AKAP13: variants seen among roughly 807,000 people sequenced by gnomAD.
The protein encoded by AKAP13 is A-kinase anchoring protein 13, also known as A-kinase anchor protein 13.
In AKAP13, 80 loss-of-function variants were observed where a neutral mutation model predicts 264.5. That is an observed-to-expected ratio of 0.30 (90% confidence interval 0.25 to 0.36). The LOEUF (loss-of-function observed/expected upper bound fraction) is 0.36. Ranked by LOEUF, AKAP13 falls within the 10% of genes least tolerant of loss-of-function variation. AKAP13 has a pLI of 1.00. For synonymous variants in AKAP13, 1,380 were observed against 1,250.2 expected (o/e 1.10, Z -2.19); for missense variants, 3,712 against 3,435.2 (o/e 1.08, Z -2.01).
At chr15:85,739,570 C>T (rs922855020) in intron 33 of AKAP13, among the ~76,000 whole-genome samples, 6 of 152,120 alleles carry the variant, frequency 3.9e-5, no homozygotes, top group Admixed American at 2.6e-4. Flanking sequence ...TACATTTTTA[C>T]ATAGAAATTT....
At chr15:85,603,883 G>A (rs1317145230) in intron 8 of AKAP13, among the ~76,000 whole-genome samples, 4 of 152,130 alleles carry the variant, frequency 2.6e-5, no homozygotes, top group Admixed American at 6.6e-5. Context: ...GAATTGCAGT[G>A]TATCTCATGT....
rs2151736287 is a variant in AKAP13 at position 85,724,974 on chromosome 15, A to G, written c.6746-1436A>G. ...TATTCCATGATGTTCTGAGAGCCCT[A>G]GCTCTCTTTGAGACTTTTACGCTGT... On this transcript the variant is annotated intron_variant, in intron 26 of 36. Coordinates refer to ENST00000394518, the MANE Select transcript of AKAP13 (RefSeq NM_007200.5). The surrounding 1 kb of genome is among the most constrained non-coding windows in gnomAD (Gnocchi z 4.2). Among the ~76,000 whole-genome samples the G allele has an allele frequency of 6.6e-6, 1 of 152,288 alleles. No individual in the cohort carries two copies. Among genetic ancestry groups the G allele is most frequent in the Admixed American group, 6.5e-5 (1 of 15,292 alleles).
chr15:85,566,220 A>G (rs1316096416), intron 5 of AKAP13, among the ~76,000 whole-genome samples: 1 of 152,236 alleles, frequency 6.6e-6, no homozygotes, highest in Non-Finnish European at 1.5e-5. Flanking sequence ...ATACCATTTT[A>G]TCATAATTTA....
intron 8 of AKAP13, among the ~76,000 whole-genome samples, chr15:85,588,746 C>G (rs1056599713): frequency 1.3e-5 from 2 of 152,128 alleles, no homozygotes; most frequent in Admixed American, 6.5e-5. Flanking sequence ...AAAGAATAGA[C>G]CCTTGGAGAG....
chr15:85,517,783 GA>G (rs1324385750), intron 2 of AKAP13, among the ~76,000 whole-genome samples: 1 of 152,150 alleles, frequency 6.6e-6, no homozygotes, highest in Non-Finnish European at 1.5e-5. Context: ...GCCTAGTATA[GA>G]GGTCTTTTCC....
intron 14 of AKAP13, among the ~76,000 whole-genome samples, chr15:85,679,084 C>A (rs2084430103): frequency 1.3e-5 from 2 of 151,612 alleles, no homozygotes; most frequent in African/African-American, 4.8e-5. Flanking sequence ...ACCAAAAATA[C>A]AAAAAAATTA....
chr15:85,588,062 C>T (rs964546281), intron 8 of AKAP13, among the ~76,000 whole-genome samples: 1 of 152,116 alleles, frequency 6.6e-6, no homozygotes, highest in Non-Finnish European at 1.5e-5. Flanking sequence ...TGAACTTACT[C>T]ATGCTGCCCC....
intron 14 of AKAP13, among the ~76,000 whole-genome samples, chr15:85,675,101 A>G (rs1035592588): frequency 1.3e-5 from 2 of 152,192 alleles, no homozygotes; most frequent in Non-Finnish European, 2.9e-5. Context: ...GGAAATTTCC[A>G]TATGTCAGGG....
intron 1 of AKAP13, among the ~76,000 whole-genome samples, chr15:85,438,413 A>G (rs1469414182): frequency 1.3e-5 from 2 of 151,736 alleles, no homozygotes; most frequent in African/African-American, 2.4e-5. Flanking sequence ...TACAGATTCA[A>G]CTCCATCCCC....
Position 85,650,766 on chromosome 15 carries a change from AAAAAAAAAAAAAAAAAAAAAAAAACAAC to A in AKAP13, c.4375-4645_4375-4618del, listed in dbSNP as rs1759387508. Among the ~76,000 whole-genome samples the A allele has an allele frequency of 3.8e-5, 5 of 131,650 alleles. 1 individual carries two copies. Among genetic ancestry groups the A allele is most frequent in the South Asian group, 4.8e-4 (2 of 4,198 alleles). The allele number at this position is 131,650 out of a possible 152,430, so 86.4% of individuals were successfully genotyped here. A position where few individuals can be genotyped will look rare whatever the true frequency, so the allele number is the denominator to read the frequency against. ...GTGAGACTCCATCTCAAAAAAAAAAAAAAAAAAAAAAAAAAAAAAAAAAACAACAAAAACTGCAATTGCCTGTGCACAA... is the reference window on the plus strand; with the variant it reads ...GTGAGACTCCATCTCAAAAAAAAAAAAAAAACTGCAATTGCCTGTGCACAA... On this transcript the variant is annotated intron_variant, in intron 10 of 36. Transcript: ENST00000394518.
chr15:85,663,309 C>CAA (rs11435393), intron 12 of AKAP13, among the ~76,000 whole-genome samples: 13,639 of 134,622 alleles, frequency 0.1, 908 homozygotes, highest in Non-Finnish European at 0.14. Context: ...GGCTCTGTCT[C>CAA]AAAAAAAAAA....
At chr15:85,483,392 C>G (rs1482380390) in intron 1 of AKAP13, among the ~76,000 whole-genome samples, 3 of 152,040 alleles carry the variant, frequency 2.0e-5, no homozygotes, top group Admixed American at 2.0e-4. Context: ...TTTGGGAGGC[C>G]GAGGCGGGTG....
intron 12 of AKAP13, chr15:85,662,567 TTGTC>T (rs1197845368): frequency 1.1e-5 from 13 of 1,165,246 alleles, no homozygotes; most frequent in African/African-American, 1.5e-5. Context: ...GCAGCCTGCT[TTGTC>T]TGTGAGCACA....
chr15:85,519,602 A>AAGAG (rs1491497758), intron 2 of AKAP13, among the ~76,000 whole-genome samples: 1 of 152,158 alleles, frequency 6.6e-6, no homozygotes, highest in East Asian at 1.9e-4. Context: ...AAATGTTTCC[A>AAGAG]AGAGAGAGTC....
At position 85,669,779 on chromosome 15, in the gene AKAP13, C is replaced by G; in HGVS notation, c.5050C>G (p.Pro1684Ala). 1 of 1,613,688 alleles carries G rather than the reference C, an allele frequency of 6.2e-7. No homozygotes were observed. Among genetic ancestry groups the G allele is most frequent in the Non-Finnish European group, 8.5e-7 (1 of 1,179,674 alleles). Residue 1684 changes from proline (P) to alanine (A), a missense_variant, in exon 14 of 37, where the codon CCA (proline) becomes GCA (alanine). By Grantham distance (27) the Pro-to-Ala change is conservative. Around this residue, in one of 3 missense-constraint regions of AKAP13, gnomAD observed 2,759 missense variants for 2,411.7 expected, o/e 1.14. Coordinates refer to ENST00000394518, the MANE Select transcript of AKAP13 (RefSeq NM_007200.5). ...FNYCTSAISS[P>A]LTKSISLMTI... ...TTACTGTACATCAGCCATTTCCTCTCCATTGACAAAATCCATCTCATTAAT... is the reference window on the plus strand; with the variant it reads ...TTACTGTACATCAGCCATTTCCTCTGCATTGACAAAATCCATCTCATTAAT...
At chr15:85,423,068 A>T (rs1332905804) in intron 1 of AKAP13, among the ~76,000 whole-genome samples, 1 of 152,246 alleles carries the variant, frequency 6.6e-6, no homozygotes, top group Non-Finnish European at 1.5e-5. Flanking sequence ...TTGCTAAAAA[A>T]TGCTAACAAT....
intron 1 of AKAP13, among the ~76,000 whole-genome samples, chr15:85,432,648 T>A (rs943741606): frequency 6.6e-6 from 1 of 152,208 alleles, no homozygotes; most frequent in Non-Finnish European, 1.5e-5. Context: ...CCACTCAATT[T>A]TCATTCACTT....
chr15:85,389,299 A>T (rs980715649), intron 1 of AKAP13, among the ~76,000 whole-genome samples: 1 of 152,146 alleles, frequency 6.6e-6, no homozygotes, highest in Non-Finnish European at 1.5e-5. Flanking sequence ...TCTAAACTTG[A>T]CAAGGCTGTC....
intron 1 of AKAP13, among the ~76,000 whole-genome samples, chr15:85,463,384 G>A (rs1483718991): frequency 6.6e-6 from 1 of 152,152 alleles, no homozygotes; most frequent in Non-Finnish European, 1.5e-5. Flanking sequence ...GAATAATTTA[G>A]GCTTGACTTT....
Sources: gnomAD v4.1 joint callset for allele counts (sites outside exome capture counted in the v4.1 genomes callset) on GRCh38, gnomAD v4.1.1 for gene constraint, gnomAD v4.1.1 regional missense constraint, Gnocchi (gnomAD v3.1) non-coding constraint, MANE v1.5 for transcripts, NCBI Gene and HGNC (gene_info 2026-07-23, HGNC 2026-07-21) for gene names.